SAMD3: variants seen among roughly 807,000 people sequenced by gnomAD.
SAMD3 encodes the protein sterile alpha motif domain containing 3.
A neutral mutation model predicts 58.5 loss-of-function variants in SAMD3; 63 were observed. That is an observed-to-expected ratio of 1.08 (90% CI 0.88 to 1.33). The LOEUF is 1.33. Among genes scored for constraint, SAMD3 ranks in the 40% most tolerant of loss-of-function variants. The probability of loss-of-function intolerance (pLI) is 0.00; values close to 1 mark genes in which losing one functional copy is unlikely to be tolerated. For synonymous variants in SAMD3, 220 were observed against 210.3 expected, an observed-to-expected ratio of 1.05 and a Z score of -0.40; for missense variants, 604 against 608.4, an observed-to-expected ratio of 0.99 and a Z score of 0.08.
intron 2 of SAMD3, among the ~76,000 whole-genome samples, chr6:130,293,890 T>G (rs1207715581): frequency 3.9e-5 from 6 of 152,100 alleles, no homozygotes; most frequent in Admixed American, 2.0e-4. Context: ...AGTCTTATGC[T>G]ATACGGGTAA....
At chr6:130,183,680 C>A (rs1792634498) in intron 7 of SAMD3, among the ~76,000 whole-genome samples, 1 of 152,180 alleles carries the variant, frequency 6.6e-6, no homozygotes, top group Non-Finnish European at 1.5e-5. Flanking sequence ...ACCCTCAGCC[C>A]TAGGCAACTC....
At chr6:130,301,428 C>A (rs1267065159) in intron 2 of SAMD3, among the ~76,000 whole-genome samples, 1 of 152,012 alleles carries the variant, frequency 6.6e-6, no homozygotes, top group African/African-American at 2.4e-5. Context: ...AGTGAGATCA[C>A]CGATGGCGCA....
chr6:130,153,666 T>TATATATA lies in SAMD3; in HGVS notation c.1023+1158_1023+1159insTATATAT, dbSNP rs58896049. On this transcript the variant is annotated intron_variant, in intron 9 of 11. Coordinates refer to ENST00000439090, the MANE Select transcript of SAMD3 (RefSeq NM_001017373.4). ...AAATTTCATATATATATATATATAT[T>TATATATA]TATTTATTTATTTATTTTTTAAAAT... is the stretch of plus-strand genomic sequence containing the variant. Among the ~76,000 whole-genome samples, 381 of 91,042 alleles carry TATATATA rather than the reference T, an allele frequency of 4.2e-3. 10 individuals carry two copies. The highest frequency in any genetic ancestry group is 0.012 in the African/African-American group (290 of 24,746). The allele number at this position is 91,042 out of a possible 152,430, so 59.7% of individuals were successfully genotyped here.
chr6:130,197,274 T>G (rs1278389349), intron 5 of SAMD3, among the ~76,000 whole-genome samples: 3 of 152,222 alleles, frequency 2.0e-5, no homozygotes, highest in Non-Finnish European at 4.4e-5. Flanking sequence ...TACTATCTTC[T>G]GTCTAGTCAT....
chr6:130,229,825 G>A (rs1460681404), intron 2 of SAMD3, among the ~76,000 whole-genome samples: 2 of 152,184 alleles, frequency 1.3e-5, no homozygotes, highest in Non-Finnish European at 2.9e-5. Flanking sequence ...GAACCGCATA[G>A]GGAGGAGCTA....
intron 1 of SAMD3, among the ~76,000 whole-genome samples, chr6:130,341,720 C>A (rs748382613): frequency 1.6e-4 from 25 of 152,118 alleles, no homozygotes; most frequent in Non-Finnish European, 3.1e-4. Context: ...GAGTGGGAGG[C>A]TTGTTGTTAT....
At chr6:130,179,888 C>T (rs1792118279) in intron 7 of SAMD3, among the ~76,000 whole-genome samples, 1 of 142,918 alleles carries the variant, frequency 7.0e-6, no homozygotes, top group Non-Finnish European at 1.5e-5. Context: ...GATCTTGGCT[C>T]ACTGCAACCT....
upstream of SAMD3, among the ~76,000 whole-genome samples, chr6:130,224,216 TC>T (rs887096769): frequency 3.3e-5 from 5 of 152,138 alleles, no homozygotes; most frequent in African/African-American, 9.7e-5. Context: ...CCTCTTGATG[TC>T]CAGCCGCTTG....
At chr6:130,346,358 G>A (rs201919856) in intron 1 of SAMD3, among the ~76,000 whole-genome samples, 21 of 152,268 alleles carry the variant, frequency 1.4e-4, no homozygotes, top group African/African-American at 4.6e-4. Context: ...CTGGAAAATC[G>A]GGTCACTCCC....
chr6:130,166,071 G>A (rs528318964), intron 8 of SAMD3, among the ~76,000 whole-genome samples: 106 of 152,252 alleles, frequency 7.0e-4, no homozygotes, highest in African/African-American at 2.5e-3. Context: ...AGCTTGTCCT[G>A]GTGCTCCCTG....
intron 2 of SAMD3, among the ~76,000 whole-genome samples, chr6:130,307,220 T>C (rs1775938726): frequency 1.3e-5 from 2 of 152,240 alleles, no homozygotes; most frequent in African/African-American, 4.8e-5. Context: ...AATGCAGTTG[T>C]GAGCAAGGCT....
chr6:130,255,905 C>CT (rs897493025), intron 2 of SAMD3, among the ~76,000 whole-genome samples: 1 of 151,432 alleles, frequency 6.6e-6, no homozygotes, highest in Non-Finnish European at 1.5e-5. Context: ...TATTAGATAA[C>CT]TTAATCCATT....
intron 2 of SAMD3, among the ~76,000 whole-genome samples, chr6:130,245,363 T>C (rs1465583145): frequency 1.3e-5 from 2 of 152,256 alleles, no homozygotes; most frequent in East Asian, 1.9e-4. Context: ...ATCTAATTCA[T>C]AGTTTTCAAA....
chr6:130,220,220 T>G (rs1005055667), intron 1 of SAMD3, among the ~76,000 whole-genome samples: 3 of 152,190 alleles, frequency 2.0e-5, no homozygotes, highest in Non-Finnish European at 4.4e-5. Flanking sequence ...CAGGTTGGTC[T>G]CGAACTGCTG....
At chr6:130,272,058 G>C (rs1322366260) in intron 2 of SAMD3, among the ~76,000 whole-genome samples, 1 of 152,072 alleles carries the variant, frequency 6.6e-6, no homozygotes, top group Non-Finnish European at 1.5e-5. Flanking sequence ...ATTTTATTGA[G>C]TTTTATGTTT....
At chr6:130,307,855 T>TTG (rs1583078587) in intron 2 of SAMD3, among the ~76,000 whole-genome samples, 2 of 152,198 alleles carry the variant, frequency 1.3e-5, no homozygotes, top group East Asian at 3.8e-4. Flanking sequence ...TTGAGACAGT[T>TTG]GTTTTAGAAC....
intron 1 of SAMD3, among the ~76,000 whole-genome samples, chr6:130,334,257 T>C (rs1254017925): frequency 6.6e-6 from 1 of 152,090 alleles, no homozygotes; most frequent in Non-Finnish European, 1.5e-5. Flanking sequence ...GGGAAACACA[T>C]TTAAACAAAT....
chr6:130,230,593 G>A (rs2114878190), intron 2 of SAMD3, among the ~76,000 whole-genome samples: 1 of 152,126 alleles, frequency 6.6e-6, no homozygotes, highest in East Asian at 1.9e-4. Context: ...TCACTATGTT[G>A]GCCAGGCTGG....
intron 5 of SAMD3, among the ~76,000 whole-genome samples, chr6:130,204,247 G>A (rs191727938): frequency 2.6e-5 from 4 of 152,184 alleles, no homozygotes; most frequent in Admixed American, 1.3e-4. Flanking sequence ...CTAAAAGAGA[G>A]GTGAACAGTT....
Sources: gnomAD v4.1 joint callset for allele counts (sites outside exome capture counted in the v4.1 genomes callset) on GRCh38, gnomAD v4.1.1 for gene constraint, MANE v1.5 for transcripts, NCBI Gene and HGNC (gene_info 2026-07-23, HGNC 2026-07-21) for gene names.